Variants in COL24A1 observed in about 807,000 individuals in gnomAD.
COL24A1 encodes the protein collagen type XXIV alpha 1 chain.
A neutral mutation model predicts 253.9 loss-of-function variants in COL24A1; 224 were observed. That is an observed-to-expected ratio of 0.88 (90% CI 0.79 to 0.99). COL24A1 has a LOEUF of 0.99. Among genes scored for constraint, COL24A1 ranks in the 50% least tolerant of loss-of-function variants. The pLI is 0.00. For synonymous variants in COL24A1, 685 were observed against 673.7 expected (o/e 1.02, Z -0.26); for missense variants, 2,131 against 2,068.5 (o/e 1.03, Z -0.59).
chr1:85,947,305 T>C (rs1340696768), intron 24 of COL24A1, among the ~76,000 whole-genome samples: 1 of 152,200 alleles, frequency 6.6e-6, no homozygotes, highest in Non-Finnish European at 1.5e-5. Context: ...ATGCCAGGAA[T>C]GTGTCAGATA....
At chr1:85,903,033 G>A (rs1235857869) in intron 28 of COL24A1, among the ~76,000 whole-genome samples, 3 of 150,748 alleles carry the variant, frequency 2.0e-5, no homozygotes, top group African/African-American at 4.9e-5. Context: ...CCATAAATAC[G>A]TACAAATACG....
chr1:86,134,619 T>A (rs1174867123), intron 2 of COL24A1, among the ~76,000 whole-genome samples: 1 of 150,128 alleles, frequency 6.7e-6, no homozygotes, highest in Admixed American at 6.7e-5. Flanking sequence ...CAGTAGTCAT[T>A]CAGGAGCAGG....
intron 22 of COL24A1, among the ~76,000 whole-genome samples, chr1:85,966,330 C>T (rs974456174): frequency 6.6e-6 from 1 of 152,100 alleles, no homozygotes; most frequent in Admixed American, 6.6e-5. Flanking sequence ...GCTTGTTAGA[C>T]ATCTAAATGG....
intron 39 of COL24A1, among the ~76,000 whole-genome samples, chr1:85,843,574 T>C (rs956279918): frequency 1.3e-5 from 2 of 152,100 alleles, no homozygotes; most frequent in Middle Eastern, 3.2e-3. Flanking sequence ...ATTTTGTAAT[T>C]TGAGACAGAA....
rs778855752 is a variant in COL24A1, at chr1:85,847,785, T to C, written c.3355-13A>G. Reference sequence around the variant, plus strand: ...GTCCTTTATCACCCTGTGGATGACATTATTAAGAGAGAAAAGCAAGAAAAA... The same window carrying C: ...GTCCTTTATCACCCTGTGGATGACACTATTAAGAGAGAAAAGCAAGAAAAA... On this transcript the variant is annotated splice_polypyrimidine_tract_variant and intron_variant, in intron 38 of 59. Transcript: ENST00000370571. 152 of 1,576,898 alleles carry C rather than the reference T, an allele frequency of 9.6e-5. No individual in the cohort carries two copies. The highest frequency in any genetic ancestry group is 1.3e-4 in the Non-Finnish European group (145 of 1,150,854).
At chr1:85,838,013 T>C (rs1676203920) in intron 43 of COL24A1, among the ~76,000 whole-genome samples, 1 of 152,088 alleles carries the variant, frequency 6.6e-6, no homozygotes, top group Non-Finnish European at 1.5e-5. Context: ...GCTAAGTTGG[T>C]CAGATAATGT....
chr1:85,868,591 A>C lies in COL24A1; in HGVS notation c.3228T>G (p.Asp1076Glu), dbSNP rs1485251845. 1 of 1,613,808 alleles carries C rather than the reference A, an allele frequency of 6.2e-7. No individual in the cohort carries two copies. The highest frequency in any genetic ancestry group is 1.1e-5 in the South Asian group (1 of 91,072). ...VPGGRGLPGE[D>E]GEKGEMGLPG... ...GTAAGCCCATCTCTCCTTTTTCTCC[A>C]TCCTCTCCAGGAAGTCCCCTTCCTC... The change falls in exon 37 of 60, where the codon GAT (aspartate) becomes GAG (glutamate). Residue 1076 changes from aspartate (D) to glutamate (E), a missense_variant. Asp to Glu is a conservative substitution (Grantham distance 45). Transcript: ENST00000370571.
Position 86,063,383 on chromosome 1 carries a change from T to TGTGTGTGTGTGTGTGTG in COL24A1, c.1752+331_1752+332insCACACACACACACACAC, listed in dbSNP as rs1376429091. 1.1e-3 allele frequency among the ~76,000 whole-genome samples: 157 copies of TGTGTGTGTGTGTGTGTG among 144,414 alleles called. 1 individual carries two copies. The East Asian group carries it at 0.025, about 23-fold the overall frequency. 94.7% of individuals were successfully genotyped at this position (144,414 alleles called of 152,430 possible). ...TCTGTGTGTGTGTGTGTGTGTGTGT[T>TGTGTGTGTGTGTGTGTG]TGTATGTGTATGGATATGTATATTT... On this transcript the variant is annotated intron_variant, in intron 8 of 59. Coordinates refer to ENST00000370571, the MANE Select transcript of COL24A1 (RefSeq NM_152890.7).
Position 85,859,147 on chromosome 1 carries a change from C to T in COL24A1, c.3300+9372G>A, listed in dbSNP as rs191762506. Among the ~76,000 whole-genome samples the T allele has an allele frequency of 2.1e-3, 315 of 152,234 alleles. 10 individuals carry two copies. In the South Asian group the frequency reaches 0.052, roughly 25 times the overall value. ...AATTTCATGACAGCATGAACCTTGT[C>T]TGTTTTGTTCACTGCTGTAACATTA... On this transcript the variant is annotated intron_variant, in intron 37 of 59. Transcript: ENST00000370571.
At chr1:85,761,008 A>G (rs1010757579) in intron 55 of COL24A1, among the ~76,000 whole-genome samples, 1 of 152,200 alleles carries the variant, frequency 6.6e-6, no homozygotes, top group Non-Finnish European at 1.5e-5. Context: ...GATTTACTTC[A>G]TGTAAATCAA....
intron 1 of COL24A1, 53 bp from the exon 2 acceptor site, chr1:86,146,236 C>T: frequency 2.1e-6 from 3 of 1,404,094 alleles, no homozygotes; most frequent in Non-Finnish European, 1.0e-6. Context: ...ACATTTACAA[C>T]CATATAGAAT....
chr1:86,059,979 G>A (rs562571134), intron 8 of COL24A1, among the ~76,000 whole-genome samples: 2 of 152,224 alleles, frequency 1.3e-5, no homozygotes, highest in East Asian at 3.9e-4. Context: ...AGAAATTTCT[G>A]TTGTTTATAA....
At chr1:86,104,562 T>C (rs1263172321) in intron 5 of COL24A1, among the ~76,000 whole-genome samples, 2 of 152,184 alleles carry the variant, frequency 1.3e-5, no homozygotes, top group Non-Finnish European at 2.9e-5. Flanking sequence ...TTTTCTTTTA[T>C]CCTATTTGAT....
intron 24 of COL24A1, among the ~76,000 whole-genome samples, chr1:85,929,846 C>T (rs1392027851): frequency 2.0e-5 from 3 of 150,284 alleles, no homozygotes; most frequent in African/African-American, 4.9e-5. Context: ...GGGTACATAA[C>T]GAAATGAAGG....
intron 7 of COL24A1, among the ~76,000 whole-genome samples, chr1:86,086,506 C>T (rs2101939364): frequency 1.3e-5 from 2 of 152,280 alleles, no homozygotes; most frequent in South Asian, 4.2e-4. Context: ...ATGGAGACTA[C>T]ATTACTGTGT....
In COL24A1 at chr1:85,898,587, C is replaced by A. The variant is rs534701694; in HGVS notation, c.2779-2178G>T. 4.3e-4 allele frequency among the ~76,000 whole-genome samples: 66 copies of A among 152,246 alleles called. 1 individual carries two copies. The highest frequency in any genetic ancestry group is 1.0e-3 in the South Asian group (5 of 4,816). ...TCTTACTGTGCAAGACCTTGAAGAT[C>A]AAGTTGAGGAGCATGGACTTAATTT... On this transcript the variant is annotated intron_variant, in intron 28 of 59. Coordinates refer to ENST00000370571, the MANE Select transcript of COL24A1 (RefSeq NM_152890.7).
At chr1:85,758,646 T>C (rs751088662) in intron 55 of COL24A1, among the ~76,000 whole-genome samples, 2 of 152,160 alleles carry the variant, frequency 1.3e-5, no homozygotes, top group Non-Finnish European at 1.5e-5. Context: ...GTTTCATAGG[T>C]CTTATAAAGA....
chr1:85,835,081 C>T (rs761938597), intron 43 of COL24A1, among the ~76,000 whole-genome samples: 9 of 151,920 alleles, frequency 5.9e-5, no homozygotes, highest in Non-Finnish European at 1.3e-4. Context: ...TTCTCCTGGC[C>T]CATGGCAGAC....
chr1:85,987,545 A>G (rs1330804084), intron 20 of COL24A1, 56 bp downstream of exon 20: 1 of 1,420,018 alleles, frequency 7.0e-7, no homozygotes. Context: ...TTTATTGAGA[A>G]TCAGGAGCTC....
Sources: gnomAD v4.1 joint callset for allele counts (sites outside exome capture counted in the v4.1 genomes callset) on GRCh38, gnomAD v4.1.1 for gene constraint, MANE v1.5 for transcripts, NCBI Gene and HGNC (gene_info 2026-07-23, HGNC 2026-07-21) for gene names.